Variants in MPDZ observed in about 807,000 individuals in gnomAD.
MPDZ encodes multiple PDZ domain protein.
Under a neutral mutation model 239.1 loss-of-function variants are expected in MPDZ, and 234 were observed. The ratio of observed to expected loss-of-function variants is 0.98; its 90% CI spans 0.88 to 1.09. The LOEUF is 1.09. Ranked by LOEUF, MPDZ falls within the 50% of genes least tolerant of loss-of-function variation. The pLI is 0.00. For synonymous variants in MPDZ, 1,048 were observed against 881.3 expected, an observed-to-expected ratio of 1.19 and a Z score of -3.35; for missense variants, 3,175 against 2,510.0, an observed-to-expected ratio of 1.26 and a Z score of -5.66.
chr9:13,270,946 T>C (rs1339518720), intron 1 of MPDZ, among the ~76,000 whole-genome samples: 2 of 152,126 alleles, frequency 1.3e-5, no homozygotes, highest in African/African-American at 4.8e-5. Flanking sequence ...ATGGTAAGAA[T>C]TACAGAAAAC....
chr9:13,126,710 C>G lies in MPDZ; in HGVS notation c.4527G>C (p.Lys1509Asn). 2 of 1,613,880 alleles carry G rather than the reference C, an allele frequency of 1.2e-6. No individual in the cohort carries two copies. Among genetic ancestry groups the G allele is most frequent in the Non-Finnish European group, 8.5e-7 (1 of 1,179,802 alleles). ...CTGCTACCCCATGCTCTGTTAAGCT[C>G]TTTATGATGACTCCACTGAGTGTAT... Reference protein sequence around the residue: ...EEDTLSGVIIKSLTEHGVAAT... With the variant: ...EEDTLSGVIINSLTEHGVAAT... Residue 1509 changes from lysine (K) to asparagine (N), a missense_variant, in exon 33 of 47, where the codon AAG becomes AAC. Physicochemically the swap from Lys to Asn is moderately conservative, Grantham distance 94 (BLOSUM62 0). Transcript: ENST00000319217.
chr9:13,119,621 T>G lies in MPDZ; in HGVS notation c.5260A>C (p.Ile1754Leu). The G allele has an allele frequency of 6.2e-7, 1 of 1,614,016 alleles. No individual in the cohort carries two copies. Residue 1754 changes from isoleucine (I) to leucine (L), a missense_variant, in exon 39 of 47, where the codon ATT becomes CTT. Coordinates refer to ENST00000319217, the MANE Select transcript of MPDZ (RefSeq NM_001378778.1). ...GCATCTGCAATTCCTCCTTTGACAA[T>G]GTCTGACACAAATACTCCAGTATCG... Reference protein sequence around the residue: ...RNDTGVFVSDIVKGGIADADG... With the variant: ...RNDTGVFVSDLVKGGIADADG...
chr9:13,228,929 G>A (rs1961516019), intron 3 of MPDZ, among the ~76,000 whole-genome samples: 2 of 152,096 alleles, frequency 1.3e-5, no homozygotes, highest in Admixed American at 6.6e-5. Flanking sequence ...GTACAAGCTA[G>A]CGAAGGACAC....
intron 1 of MPDZ, among the ~76,000 whole-genome samples, chr9:13,266,384 T>C (rs1425986243): frequency 3.3e-5 from 5 of 152,238 alleles, no homozygotes; most frequent in Non-Finnish European, 4.4e-5. Context: ...TAGTTCCAAC[T>C]CTGCACGGAG....
chr9:13,256,918 C>T (rs1969577466), intron 1 of MPDZ, among the ~76,000 whole-genome samples: 1 of 152,098 alleles, frequency 6.6e-6, no homozygotes. Context: ...CTGCAAAGCA[C>T]AATAAGACAA....
intron 1 of MPDZ, among the ~76,000 whole-genome samples, chr9:13,259,046 A>C (rs1970064892): frequency 1.3e-5 from 2 of 151,820 alleles, no homozygotes; most frequent in Admixed American, 6.6e-5. Context: ...ATCCAATTTT[A>C]TCTGAAATTC....
At chr9:13,164,754 T>C (rs538956244) in intron 22 of MPDZ, among the ~76,000 whole-genome samples, 1 of 152,252 alleles carries the variant, frequency 6.6e-6, no homozygotes, top group East Asian at 1.9e-4. Context: ...GTAGAGACGG[T>C]AGTTTTCCTA....
chr9:13,271,475 T>C (rs1972939086), intron 1 of MPDZ, among the ~76,000 whole-genome samples: 1 of 152,148 alleles, frequency 6.6e-6, no homozygotes, highest in Non-Finnish European at 1.5e-5. Context: ...GTGACAGAAA[T>C]GTCCGTTTGT....
At chr9:13,176,476 T>C in intron 19 of MPDZ, 59 bp from the exon 20 acceptor site, 10 of 1,297,004 alleles carry the variant, frequency 7.7e-6, no homozygotes, top group Non-Finnish European at 8.2e-6. Context: ...ATTACATCAA[T>C]ATATAACATC....
chr9:13,206,788 C>T (rs140595762), intron 10 of MPDZ, among the ~76,000 whole-genome samples: 1,971 of 152,088 alleles, frequency 0.013, 28 homozygotes, highest in Middle Eastern at 0.037. Flanking sequence ...GTGATCTGCC[C>T]GCCTCGGCCT....
Position 13,176,298 on chromosome 9 carries a change from C to T in MPDZ, c.2769G>A (p.Met923Ile), listed in dbSNP as rs1056680047. 1.9e-6 allele frequency: 3 copies of T among 1,610,338 alleles called. No homozygotes were observed. The African/African-American group carries it at 4.0e-5, about 22-fold the overall frequency. The change falls in exon 20 of 47, where the codon ATG (methionine) becomes ATA (isoleucine). Residue 923 changes from methionine (M) to isoleucine (I), a missense_variant. Met to Ile is a conservative substitution (Grantham distance 10, BLOSUM62 1). Transcript: ENST00000319217. Reference sequence around the variant, plus strand: ...TTATAGTAAAGCCAGAAGCAGGCCCCATACTTATGTCCACCGAAGGTGTAT... The same window carrying T: ...TTATAGTAAAGCCAGAAGCAGGCCCTATACTTATGTCCACCGAAGGTGTAT... ...DENTPSVDIS[M>I]GPASGFTIND...
chr9:13,279,393 C>A lies in MPDZ; in HGVS notation c.-58+7G>T, dbSNP rs546887423. ...GGCCTCTGGGCCGGGGCTCAAGCGC[C>A]GCTTACCCGGCTCGCGGCGCCCGCC... On this transcript the variant is annotated splice_region_variant and intron_variant, in intron 1 of 46. Coordinates refer to ENST00000319217, the MANE Select transcript of MPDZ (RefSeq NM_001378778.1). 6.8e-6 allele frequency: 1 copy of A among 146,226 alleles called. No homozygotes were observed. Among genetic ancestry groups the A allele is most frequent in the African/African-American group, 2.5e-5 (1 of 40,528 alleles). 9.1% of individuals were successfully genotyped at this position (146,226 alleles called of 1,614,324 possible).
rs547719629 is a variant in MPDZ at position 13,148,908 on chromosome 9, A to G, written c.3631-1250T>C. On this transcript the variant is annotated intron_variant, in intron 25 of 46. Transcript: ENST00000319217. ...CGCACAAAAAAGTTCTTTCTTTTCC[A>G]TTTCAAAGGTGAACTTTAACTTTTT... 8.4e-4 allele frequency among the ~76,000 whole-genome samples: 128 copies of G among 152,068 alleles called. 1 individual carries two copies. Among genetic ancestry groups the G allele is most frequent in the African/African-American group, 3.0e-3 (125 of 41,494 alleles).
chr9:13,108,219 C>T (rs956549094), intron 46 of MPDZ, among the ~76,000 whole-genome samples: 2 of 151,974 alleles, frequency 1.3e-5, no homozygotes, highest in Admixed American at 6.6e-5. Context: ...AAAATCTTGT[C>T]GAATTTTGTA....
intron 18 of MPDZ, among the ~76,000 whole-genome samples, chr9:13,185,774 T>C (rs955376991): frequency 6.6e-6 from 1 of 152,166 alleles, no homozygotes; most frequent in Non-Finnish European, 1.5e-5. Context: ...TAAATCAGTA[T>C]ACTTACATAT....
intron 12 of MPDZ, among the ~76,000 whole-genome samples, chr9:13,201,671 C>T (rs1956404029): frequency 6.6e-6 from 1 of 151,980 alleles, no homozygotes. Flanking sequence ...TCTCCAAGCT[C>T]ACTAAGTTTC....
rs1012254834 is a variant in MPDZ, at chr9:13,123,232, C to T, written c.4874G>A (p.Gly1625Asp). 6.2e-7 allele frequency: 1 copy of T among 1,613,380 alleles called. No individual in the cohort carries two copies. Among genetic ancestry groups the T allele is most frequent in the Non-Finnish European group, 8.5e-7 (1 of 1,179,794 alleles). The change falls in exon 36 of 47, where the codon GGC becomes GAC. Residue 1625 changes from glycine to aspartate, a missense_variant. By Grantham distance (94) the Gly-to-Asp change is moderately conservative. Coordinates refer to ENST00000319217, the MANE Select transcript of MPDZ (RefSeq NM_001378778.1). ...GGAAATCTCGATGGTTGTTTCGCAG[C>T]CAGGGATAATGGGGCAGGTTGCAGG... ...SDPATCPIIPGCETTIEISKG... is the reference protein window; with the variant it reads ...SDPATCPIIPDCETTIEISKG...
chr9:13,234,431 C>T (rs946507289), intron 3 of MPDZ, among the ~76,000 whole-genome samples: 1 of 151,970 alleles, frequency 6.6e-6, no homozygotes, highest in Non-Finnish European at 1.5e-5. Context: ...CTGTAATTAC[C>T]TACAAAAATG....
intron 10 of MPDZ, among the ~76,000 whole-genome samples, chr9:13,216,246 T>C (rs948806738): frequency 1.1e-4 from 16 of 151,694 alleles, no homozygotes; most frequent in African/African-American, 1.4e-4. Context: ...TTAAAACACA[T>C]TGATGTTACA....
Sources: allele counts gnomAD v4.1 joint callset (sites outside exome capture counted in the v4.1 genomes callset), GRCh38; gene constraint gnomAD v4.1.1; transcripts MANE v1.5; gene names NCBI Gene and HGNC (gene_info 2026-07-23, HGNC 2026-07-21).